Variants in PTK2 observed in about 807,000 individuals in gnomAD.
The protein encoded by PTK2 is protein tyrosine kinase 2, also known as focal adhesion kinase 1.
PTK2 carries 45 observed loss-of-function variants against 150.1 expected under a neutral mutation model. That is an observed-to-expected ratio of 0.30 (90% confidence interval 0.24 to 0.38). The LOEUF is 0.38. PTK2 is among the 10% of genes least tolerant of loss of function. The pLI, the probability that PTK2 is intolerant of heterozygous loss-of-function variation, is 1.00. For missense variants in PTK2, 919 were observed against 1,307.3 expected (o/e 0.70, Z 4.58); for synonymous variants, 432 against 449.2 (o/e 0.96, Z 0.48).
intron 2 of PTK2, among the ~76,000 whole-genome samples, chr8:140,897,660 T>C (rs1044249521): frequency 1.3e-5 from 2 of 152,202 alleles, no homozygotes; most frequent in African/African-American, 4.8e-5. Context: ...GCCTCAACTA[T>C]AGAATGACAA....
At chr8:140,751,226 T>A (rs111288744) in intron 17 of PTK2, among the ~76,000 whole-genome samples, 1 of 152,244 alleles carries the variant, frequency 6.6e-6, no homozygotes, top group Non-Finnish European at 1.5e-5. Context: ...TGGAGTGCAA[T>A]GGCACGATCT....
chr8:140,788,982 C>T (rs2100086679), intron 14 of PTK2, among the ~76,000 whole-genome samples: 1 of 151,992 alleles, frequency 6.6e-6, no homozygotes. Context: ...AAGGAAAGTA[C>T]AACACACTTA....
At chr8:140,761,434 C>T in intron 15 of PTK2, 172 bp from the exon 19 acceptor site, 1 of 655,154 alleles carries the variant, frequency 1.5e-6, no homozygotes, top group Admixed American at 2.3e-5. Context: ...AACAGGAATT[C>T]ATGTAATTAG....
chr8:140,896,765 GC>G (rs368561418), intron 2 of PTK2, among the ~76,000 whole-genome samples: 3 of 109,886 alleles, frequency 2.7e-5, no homozygotes, highest in Non-Finnish European at 3.6e-5. Flanking sequence ...TACCATAGAC[GC>G]CCCCCCTTCC....
intron 1 of PTK2, among the ~76,000 whole-genome samples, chr8:140,945,684 T>A (rs568929026): frequency 2.6e-5 from 4 of 152,172 alleles, no homozygotes; most frequent in Non-Finnish European, 5.9e-5. Flanking sequence ...CAGGGCCTGA[T>A]TGTCACAATT....
intron 23 of PTK2, among the ~76,000 whole-genome samples, chr8:140,711,486 C>T (rs1349704331): frequency 6.6e-6 from 1 of 152,194 alleles, no homozygotes; most frequent in African/African-American, 2.4e-5. Context: ...CACTTGAACA[C>T]AGAATGAATT....
intron 1 of PTK2, among the ~76,000 whole-genome samples, chr8:140,980,419 G>C (rs151288626): frequency 1.3e-5 from 2 of 152,028 alleles, no homozygotes; most frequent in East Asian, 1.9e-4. Flanking sequence ...TCAGGAGATC[G>C]AGACCATCCT....
At chr8:140,912,053 C>T (rs1281099217) in intron 2 of PTK2, among the ~76,000 whole-genome samples, 1 of 151,886 alleles carries the variant, frequency 6.6e-6, no homozygotes, top group Non-Finnish European at 1.5e-5. Context: ...GGCAACAAAA[C>T]GAGACCTTGG....
intron 2 of PTK2, among the ~76,000 whole-genome samples, chr8:140,913,421 G>C (rs891418625): frequency 6.6e-5 from 10 of 151,124 alleles, no homozygotes; most frequent in Admixed American, 6.6e-5. Flanking sequence ...TCAGCCTCCT[G>C]AGTAGCTGGG....
chr8:140,986,779 G>A (rs1002481291), intron 1 of PTK2, among the ~76,000 whole-genome samples: 7 of 152,204 alleles, frequency 4.6e-5, no homozygotes, highest in Admixed American at 3.3e-4. Context: ...ACTGGCTGAC[G>A]CAAAAGTAAG....
chr8:140,995,740 T>C (rs2100197458), intron 1 of PTK2, among the ~76,000 whole-genome samples: 1 of 152,086 alleles, frequency 6.6e-6, no homozygotes, highest in Non-Finnish European at 1.5e-5. Context: ...ATTGCATCAC[T>C]GCACTCCAGC....
At chr8:140,925,879 C>A (rs2100169241) in intron 1 of PTK2, 130 bp from the exon 2 acceptor site, 1 of 152,364 alleles carries the variant, frequency 6.6e-6, no homozygotes, top group African/African-American at 2.4e-5. Context: ...AGCGTAATAG[C>A]AATGCTAATA....
intron 3 of PTK2, among the ~76,000 whole-genome samples, chr8:140,887,282 TA>T (rs2100152658): frequency 6.6e-6 from 1 of 152,128 alleles, no homozygotes; most frequent in South Asian, 2.1e-4. Context: ...CATAAGCCAG[TA>T]ATGGTTTCAC....
intron 22 of PTK2, among the ~76,000 whole-genome samples, chr8:140,723,021 T>C (rs1347173815): frequency 1.3e-5 from 2 of 152,156 alleles, no homozygotes; most frequent in South Asian, 2.1e-4. Flanking sequence ...CCCAAGCATC[T>C]CTAAAAGGAC....
At chr8:140,717,757 G>T in intron 22 of PTK2, 48 bp from the exon 26 acceptor site, 1 of 1,461,294 alleles carries the variant, frequency 6.8e-7, no homozygotes, top group Non-Finnish European at 9.6e-7. Context: ...CCCAGAGTTA[G>T]CACACACTAG....
rs117545814 is a variant in PTK2 at position 140,983,592 on chromosome 8, G to A, written c.-122+17533C>T. 3.2e-3 allele frequency among the ~76,000 whole-genome samples: 482 copies of A among 152,044 alleles called. 1 individual carries two copies. Among genetic ancestry groups the A allele is most frequent in the Non-Finnish European group, 5.4e-3 (365 of 68,004 alleles). ...TGTCCATGTGCCTGCCAGTCTTTAT[G>A]AAGACGGATGGTGTATTCCTCCAGT... is the stretch of plus-strand genomic sequence containing the variant. On this transcript the variant is annotated intron_variant, in intron 1 of 31. Transcript: ENST00000522684.
chr8:140,821,742 G>C (rs372305633), intron 8 of PTK2: 7 of 152,356 alleles, frequency 4.6e-5, no homozygotes, highest in African/African-American at 1.4e-4. Flanking sequence ...TTTTAACCAG[G>C]GCTGAGGTTT....
intron 2 of PTK2, among the ~76,000 whole-genome samples, chr8:140,908,893 T>C (rs1348027824): frequency 2.0e-5 from 3 of 152,176 alleles, no homozygotes; most frequent in Non-Finnish European, 4.4e-5. Flanking sequence ...CAATATACCA[T>C]GTTTTACCAG....
chr8:140,784,138 C>T (rs2100083489), intron 14 of PTK2, among the ~76,000 whole-genome samples: 1 of 152,160 alleles, frequency 6.6e-6, no homozygotes, highest in Non-Finnish European at 1.5e-5. Flanking sequence ...GCATTCCAGC[C>T]TGGGTGACAA....
Sources: allele counts gnomAD v4.1 joint callset (sites outside exome capture counted in the v4.1 genomes callset), GRCh38; gene constraint gnomAD v4.1.1; transcripts MANE v1.5; gene names NCBI Gene and HGNC (gene_info 2026-07-23, HGNC 2026-07-21).